NBPF11: variants seen among roughly 807,000 people sequenced by gnomAD.
The protein encoded by NBPF11 is NBPF member 11, also known as NBPF family member NBPF11.
A neutral mutation model predicts 93.9 loss-of-function variants in NBPF11; 72 were observed. The ratio of observed to expected loss-of-function variants is 0.77; its 90% CI spans 0.63 to 0.93. The LOEUF is 0.93. Ranked by LOEUF, NBPF11 falls within the 40% of genes least tolerant of loss-of-function variation. The pLI is 0.00. For synonymous variants in NBPF11, 224 were observed against 304.9 expected (o/e 0.73, Z 2.76); for missense variants, 705 against 802.2 (o/e 0.88, Z 1.46).
intron 2 of NBPF11, among the ~76,000 whole-genome samples, chr1:148,138,333 T>G (rs1189479914): frequency 6.6e-6 from 1 of 151,290 alleles, no homozygotes; most frequent in Non-Finnish European, 1.5e-5. Flanking sequence ...TTATCTCAAC[T>G]GCAAAGAGGC....
At chr1:148,132,065 T>C (rs1670427454) in intron 4 of NBPF11, among the ~76,000 whole-genome samples, 1 of 145,748 alleles carries the variant, frequency 6.9e-6, no homozygotes, top group Non-Finnish European at 1.5e-5. Context: ...TTTTCTGAAG[T>C]ATCTATTCAA....
rs1296911626 is a variant in NBPF11, at chr1:148,120,642, T to G, written c.847A>C (p.Lys283Gln). 3.2e-6 allele frequency: 5 copies of G among 1,546,676 alleles called. No homozygotes were observed. Among genetic ancestry groups the G allele is most frequent in the Non-Finnish European group, 4.5e-6 (5 of 1,120,632 alleles). The change falls in exon 10 of 24, where the codon AAG becomes CAG. Residue 283 changes from lysine to glutamine, a missense_variant. Lys to Gln is a moderately conservative substitution (Grantham distance 53). Transcript: ENST00000682118. Reference protein sequence around the residue: ...VVSAGPLSSEKAEMNILEINE... With the variant: ...VVSAGPLSSEQAEMNILEINE... Reference sequence around the variant, plus strand: ...ATTTCTAGAATGTTCATCTCTGCCTTCTCGCTGGACAAAGGGCCGGCTGAT... The same window carrying G: ...ATTTCTAGAATGTTCATCTCTGCCTGCTCGCTGGACAAAGGGCCGGCTGAT...
At chr1:148,146,101 C>T (rs1362388831) in intron 1 of NBPF11, among the ~76,000 whole-genome samples, 4 of 151,672 alleles carry the variant, frequency 2.6e-5, no homozygotes, top group Non-Finnish European at 5.9e-5. Context: ...GACGCACGGG[C>T]GGGCGGCCGG....
intron 1 of NBPF11, among the ~76,000 whole-genome samples, chr1:148,148,580 C>T (rs1375543054): frequency 6.6e-6 from 1 of 150,664 alleles, no homozygotes; most frequent in African/African-American, 2.5e-5. Context: ...TCCGCAGCCA[C>T]CACCCTCGAT....
intron 2 of NBPF11, among the ~76,000 whole-genome samples, chr1:148,140,656 T>C (rs2149289174): frequency 6.7e-6 from 1 of 150,224 alleles, no homozygotes; most frequent in Middle Eastern, 3.5e-3. Flanking sequence ...ATGAGAAAGA[T>C]GCTCAAAATC....
At chr1:148,142,999 C>G (rs1169033724) in intron 2 of NBPF11, among the ~76,000 whole-genome samples, 20 of 152,144 alleles carry the variant, frequency 1.3e-4, no homozygotes, top group Non-Finnish European at 2.5e-4. Context: ...AGAGCCTTAG[C>G]CTGGGGGATG....
chr1:148,109,196 C>T (rs1303955055), intron 17 of NBPF11, 88 bp downstream of exon 17: 12 of 1,013,632 alleles, frequency 1.2e-5, no homozygotes, highest in South Asian at 2.5e-5. Flanking sequence ...AAGACAAAAT[C>T]ATGATTTTCA....
chr1:148,109,371 G>A, intron 16 of NBPF11, 36 bp from the exon 17 acceptor site: 2 of 980,396 alleles, frequency 2.0e-6, no homozygotes, highest in Non-Finnish European at 1.6e-6. Context: ...CTTACATTAA[G>A]CAGTTCTTCC....
rs1316098809 is a variant in NBPF11, at chr1:148,118,687, G to A, written c.1024C>T (p.Leu342=). ...EECKDLIKSM[L]RNERQFKEEK... Reference sequence around the variant, plus strand: ...TCCTTGAACTGTCGCTCATTCCTCAGCATAGATTTTATGAGGTCTTTGCAC... The same window carrying A: ...TCCTTGAACTGTCGCTCATTCCTCAACATAGATTTTATGAGGTCTTTGCAC... The change falls in exon 11 of 24, where the codon CTG becomes TTG. Residue 342 remains leucine (L), a synonymous_variant. Transcript: ENST00000682118. 4 of 1,613,002 alleles carry A rather than the reference G, an allele frequency of 2.5e-6. No homozygotes were observed. The highest frequency in any genetic ancestry group is 3.4e-6 in the Non-Finnish European group (4 of 1,179,958).
intron 12 of NBPF11, among the ~76,000 whole-genome samples, chr1:148,117,163 T>C (rs1304452750): frequency 4.6e-5 from 7 of 151,904 alleles, no homozygotes; most frequent in Middle Eastern, 3.4e-3. Context: ...TTGTCTGCCA[T>C]GGAGAGAGAG....
chr1:148,118,126 T>A (rs1313700613), intron 11 of NBPF11, among the ~76,000 whole-genome samples: 2 of 147,558 alleles, frequency 1.4e-5, no homozygotes, highest in South Asian at 4.3e-4. Flanking sequence ...ACATAGTGCA[T>A]CTTGCGGCCA....
At chr1:148,124,126 T>C (rs1196640174) in intron 6 of NBPF11, 59 bp from the exon 7 acceptor site, 3 of 1,598,126 alleles carry the variant, frequency 1.9e-6, no homozygotes, top group Non-Finnish European at 2.6e-6. Flanking sequence ...TCCGTTCAAA[T>C]ATTGCAACAG....
At chr1:148,115,658 A>G in intron 14 of NBPF11, 135 bp downstream of exon 14, 2 of 1,323,150 alleles carry the variant, frequency 1.5e-6, no homozygotes, top group Non-Finnish European at 2.1e-6. Context: ...GAAGGACAAA[A>G]AAACTCCCTG....
At position 148,122,775 on chromosome 1, in the gene NBPF11, C is replaced by T. The variant is rs1452993523; in HGVS notation, c.520G>A (p.Val174Ile). The change falls in exon 8 of 24, where the codon GTT becomes ATT. Residue 174 changes from valine to isoleucine, a missense_variant. Coordinates refer to ENST00000682118, the MANE Select transcript of NBPF11 (RefSeq NM_001385469.3). ...PENDEDEDED[V>I]QVEEDEKVLE... The stretch of plus-strand genomic sequence containing the variant: ...ACTTTCTCATCCTCCTCAACTTGAA[C>T]ATCTTCATCCTCATCTTCGTCATTT... 2 of 1,609,968 alleles carry T rather than the reference C, an allele frequency of 1.2e-6. No homozygotes were observed. Among genetic ancestry groups the T allele is most frequent in the African/African-American group, 1.3e-5 (1 of 74,764 alleles).
intron 5 of NBPF11, among the ~76,000 whole-genome samples, chr1:148,126,101 A>C (rs1191892123): frequency 1.3e-5 from 2 of 151,916 alleles, no homozygotes; most frequent in Non-Finnish European, 2.9e-5. Flanking sequence ...GCTGGGTTCA[A>C]AGGATTCTCC....
intron 4 of NBPF11, among the ~76,000 whole-genome samples, chr1:148,134,273 C>T (rs1380123911): frequency 6.6e-6 from 1 of 151,536 alleles, no homozygotes; most frequent in Non-Finnish European, 1.5e-5. Flanking sequence ...AGAGTGGCCA[C>T]TGAAGTAATA....
intron 18 of NBPF11, 110 bp downstream of exon 18, chr1:148,108,372 T>TG (rs1664305502): frequency 1.3e-6 from 1 of 756,028 alleles, no homozygotes; most frequent in Non-Finnish European, 2.4e-6. Flanking sequence ...CTATAGGTCC[T>TG]CCCTGTGGCA....
intron 15 of NBPF11, among the ~76,000 whole-genome samples, chr1:148,111,876 C>A (rs1286497105): frequency 1.1e-4 from 16 of 150,804 alleles, no homozygotes; most frequent in Admixed American, 7.2e-4. Flanking sequence ...GGAAGGCCAA[C>A]ATTCAAATTC....
At chr1:148,107,407 GAC>G (rs1663970407) in intron 19 of NBPF11, among the ~76,000 whole-genome samples, 1 of 150,866 alleles carries the variant, frequency 6.6e-6, no homozygotes, top group African/African-American at 2.4e-5. Context: ...GTGCCCTCGG[GAC>G]ACACAGCGAA....
Sources: gnomAD v4.1 joint callset for allele counts (sites outside exome capture counted in the v4.1 genomes callset) on GRCh38, gnomAD v4.1.1 for gene constraint, MANE v1.5 for transcripts, NCBI Gene and HGNC (gene_info 2026-07-23, HGNC 2026-07-21) for gene names.